MAP3K3: variants seen among roughly 807,000 people sequenced by gnomAD.
The protein encoded by MAP3K3 is MAP/ERK kinase kinase 3.
Under a neutral mutation model 80.9 loss-of-function variants are expected in MAP3K3, and 12 were observed. The ratio of observed to expected loss-of-function variants is 0.15; its 90% CI spans 0.10 to 0.24. MAP3K3 has a LOEUF of 0.24. Ranked by LOEUF, MAP3K3 falls within the 10% of genes least tolerant of loss-of-function variation. The pLI is 1.00. For synonymous variants in MAP3K3, 272 were observed against 307.1 expected (o/e 0.89, Z 1.19); for missense variants, 596 against 834.7 (o/e 0.71, Z 3.52).
intron 6 of MAP3K3, among the ~76,000 whole-genome samples, chr17:63,671,387 C>G (rs1426909725): frequency 6.6e-6 from 1 of 151,810 alleles, no homozygotes; most frequent in African/African-American, 2.4e-5. Flanking sequence ...TCCCAAGTAG[C>G]TGGGACTACA....
At position 63,692,858 on chromosome 17, in the gene MAP3K3, G is replaced by GC. The variant is rs904932294; in HGVS notation, c.1652+446dup. 2.0e-5 allele frequency among the ~76,000 whole-genome samples: 3 copies of GC among 152,064 alleles called. No individual in the cohort carries two copies. Among genetic ancestry groups the GC allele is most frequent in the Admixed American group, 1.3e-4 (2 of 15,270 alleles). On this transcript the variant is annotated intron_variant, in intron 15 of 15. Transcript: ENST00000361733. This position sits in a 1 kb window ranked among gnomAD's most constrained non-coding sequence, Gnocchi z 4.5. Reference sequence around the variant, plus strand: ...AGCTATTGTGGTGGGCTGAATAATGGCCCCCCCAAAGATGTCCACTGCCTA... The same window carrying GC: ...AGCTATTGTGGTGGGCTGAATAATGGCCCCCCCCAAAGATGTCCACTGCCTA...
intron 6 of MAP3K3, among the ~76,000 whole-genome samples, chr17:63,675,024 G>A (rs1416344842): frequency 6.6e-6 from 1 of 152,230 alleles, no homozygotes; most frequent in Admixed American, 6.5e-5. Context: ...GAAACAAAAT[G>A]GTTAGCTTCT....
intron 2 of MAP3K3, among the ~76,000 whole-genome samples, chr17:63,644,785 A>G (rs1442651658): frequency 6.6e-6 from 1 of 152,088 alleles, no homozygotes; most frequent in Non-Finnish European, 1.5e-5. Context: ...TGTGTTCCTC[A>G]TCTTCAAATA....
intron 6 of MAP3K3, chr17:63,672,757 T>C (rs1215013295): frequency 6.6e-6 from 1 of 151,452 alleles, no homozygotes; most frequent in Non-Finnish European, 1.5e-5. Context: ...AAATTAGGAG[T>C]GTGGGGAGAA....
chr17:63,653,067 A>G (rs1292300099), intron 4 of MAP3K3, among the ~76,000 whole-genome samples: 1 of 152,228 alleles, frequency 6.6e-6, no homozygotes, highest in Non-Finnish European at 1.5e-5. Context: ...TATTACAGTC[A>G]TAAATGCAGG....
intron 11 of MAP3K3, 89 bp from the exon 12 acceptor site, chr17:63,690,175 C>A: frequency 6.9e-7 from 1 of 1,454,852 alleles, no homozygotes; most frequent in Non-Finnish European, 9.3e-7. Flanking sequence ...TGAGGGGGAG[C>A]CTGAGCCAGA....
Position 63,664,058 on chromosome 17 carries a change from C to T in MAP3K3, c.382-2882C>T, listed in dbSNP as rs190837902. On this transcript the variant is annotated intron_variant, in intron 5 of 15. Transcript: ENST00000361733. The stretch of plus-strand genomic sequence containing the variant: ...GAGATCGAGACCATCCTGGCTAACA[C>T]GGTGAAACCCCATCTCTACTAAAAA... 3.0e-3 allele frequency among the ~76,000 whole-genome samples: 459 copies of T among 151,066 alleles called. 2 individuals are homozygous for T. Among genetic ancestry groups the T allele is most frequent in the Middle Eastern group, 0.01 (3 of 294 alleles).
intron 2 of MAP3K3, among the ~76,000 whole-genome samples, chr17:63,634,495 A>G (rs1181216539): frequency 1.3e-5 from 2 of 152,158 alleles, no homozygotes; most frequent in South Asian, 2.1e-4. Context: ...AAAAGCCATG[A>G]TGAGGGAAGT....
intron 2 of MAP3K3, among the ~76,000 whole-genome samples, chr17:63,634,190 C>T (rs2034272827): frequency 6.6e-6 from 1 of 152,166 alleles, no homozygotes; most frequent in African/African-American, 2.4e-5. Context: ...TATTCAAAGC[C>T]ACTTTTCGAA....
In MAP3K3 at chr17:63,622,755, C is replaced by T; in HGVS notation, c.-5C>T. On this transcript the variant is annotated 5_prime_UTR_variant, in exon 1 of 16. Coordinates refer to ENST00000361733, the MANE Select transcript of MAP3K3 (RefSeq NM_002401.5). ...ACCTTAGCCACCGCCGCCGCCATCG[C>T]CACCATGGGTAAGTGTCGCCACCGC... 1 of 530,074 alleles carries T rather than the reference C, an allele frequency of 1.9e-6. No homozygotes were observed. The highest frequency in any genetic ancestry group is 2.0e-5 in the African/African-American group (1 of 49,306). 32.8% of individuals were successfully genotyped at this position (530,074 alleles called of 1,614,324 possible).
chr17:63,659,831 C>T (rs1460067257), intron 5 of MAP3K3, among the ~76,000 whole-genome samples: 1 of 151,952 alleles, frequency 6.6e-6, no homozygotes, highest in African/African-American at 2.4e-5. Context: ...CCCGGCCGTA[C>T]CAGTTCTTTT....
In MAP3K3 at chr17:63,691,674, G is replaced by C. The variant is rs2035593699; in HGVS notation, c.1345-59G>C. 1 of 1,585,384 alleles carries C rather than the reference G, an allele frequency of 6.3e-7. No homozygotes were observed. The highest frequency in any genetic ancestry group is 8.6e-7 in the Non-Finnish European group (1 of 1,161,248). ...GCTGCCATGCTGGGGGCTGGAATGG[G>C]CTTGCCCCTCCACCAGCCCTCCCCT... On this transcript the variant is annotated intron_variant, in intron 13 of 15. Transcript: ENST00000361733. This position sits in a 1 kb window ranked among gnomAD's most constrained non-coding sequence, Gnocchi z 4.8.
chr17:63,625,991 T>G (rs1382379070), intron 1 of MAP3K3, among the ~76,000 whole-genome samples: 1 of 152,176 alleles, frequency 6.6e-6, no homozygotes, highest in Non-Finnish European at 1.5e-5. Context: ...GAAGATCATC[T>G]GAGCCTGGGA....
intron 4 of MAP3K3, among the ~76,000 whole-genome samples, chr17:63,653,976 C>T (rs1396398205): frequency 6.6e-6 from 1 of 152,186 alleles, no homozygotes; most frequent in African/African-American, 2.4e-5. Flanking sequence ...AAGCGATTCC[C>T]CCACCTCAGC....
At chr17:63,637,030 G>A in intron 2 of MAP3K3, 1 of 557,236 alleles carries the variant, frequency 1.8e-6, no homozygotes. Context: ...ACGACAAGGT[G>A]GGGACAAACT....
intron 6 of MAP3K3, among the ~76,000 whole-genome samples, chr17:63,671,416 C>T (rs1220238394): frequency 6.6e-6 from 1 of 151,908 alleles, no homozygotes; most frequent in Non-Finnish European, 1.5e-5. Flanking sequence ...CCACCACACC[C>T]AGCTAAATTT....
At chr17:63,682,071 A>G (rs540599320) in intron 7 of MAP3K3, among the ~76,000 whole-genome samples, 172 bp downstream of exon 7, 28 of 152,332 alleles carry the variant, frequency 1.8e-4, no homozygotes, top group Admixed American at 8.5e-4. Flanking sequence ...AGGGCCAAAT[A>G]ACAATTTCTG....
At chr17:63,679,955 G>T (rs1205916906) in intron 6 of MAP3K3, among the ~76,000 whole-genome samples, 3 of 152,150 alleles carry the variant, frequency 2.0e-5, no homozygotes, top group Non-Finnish European at 1.5e-5. Flanking sequence ...GTAGCTGAAG[G>T]GGGAGGATTG....
intron 3 of MAP3K3, among the ~76,000 whole-genome samples, chr17:63,648,550 G>A (rs1001696823): frequency 1.3e-5 from 2 of 152,222 alleles, no homozygotes; most frequent in Admixed American, 6.5e-5. Context: ...TCTGGGCCGG[G>A]TGTGGTGGCT....
Sources: allele counts gnomAD v4.1 joint callset (sites outside exome capture counted in the v4.1 genomes callset), GRCh38; gene constraint gnomAD v4.1.1; non-coding constraint Gnocchi (gnomAD v3.1); transcripts MANE v1.5; gene names NCBI Gene and HGNC (gene_info 2026-07-23, HGNC 2026-07-21).